RAI1: variants seen among roughly 807,000 people sequenced by gnomAD.
RAI1 encodes retinoic acid induced 1, also known as retinoic acid-induced protein 1.
In RAI1, 9 loss-of-function variants were observed where a neutral mutation model predicts 123.8. The ratio of observed to expected loss-of-function variants is 0.07; its 90% CI spans 0.04 to 0.13. The LOEUF (loss-of-function observed/expected upper bound fraction) is 0.13. RAI1 is among the 10% of genes least tolerant of loss of function. The pLI is 1.00. For missense variants in RAI1, 2,256 were observed against 2,545.8 expected, an observed-to-expected ratio of 0.89 and a Z score of 2.45; for synonymous variants, 1,231 against 1,127.3, an observed-to-expected ratio of 1.09 and a Z score of -1.84.
rs146345402 is a variant in RAI1, at chr17:17,707,397, G to T, written c.-148-16631G>T. The stretch of plus-strand genomic sequence containing the variant: ...GTTTTAAATTGGAGTGCCAGGAAAG[G>T]CCTCCCTGAGAAGGTGACAGGTGAG... On this transcript the variant is annotated intron_variant, in intron 1 of 5. Transcript: ENST00000353383. Among the ~76,000 whole-genome samples the T allele has an allele frequency of 1.3e-3, 205 of 152,284 alleles. 1 individual carries two copies. The highest frequency in any genetic ancestry group is 2.6e-3 in the Non-Finnish European group (175 of 68,010).
rs557218192 is a variant in RAI1 at position 17,749,284 on chromosome 17, G to A, written c.-17+25125G>A. ...AGACGACTCTTGATATTTAGCCTGCGTGGCAGGAGCCTTAATAGCAGCAAC... is the reference window on the plus strand; with the variant it reads ...AGACGACTCTTGATATTTAGCCTGCATGGCAGGAGCCTTAATAGCAGCAAC... On this transcript the variant is annotated intron_variant, in intron 2 of 5. Coordinates refer to ENST00000353383, the MANE Select transcript of RAI1 (RefSeq NM_030665.4). Among the ~76,000 whole-genome samples the A allele has an allele frequency of 1.1e-4, 16 of 152,270 alleles. No individual in the cohort carries two copies. The South Asian group carries it at 1.9e-3, about 18-fold the overall frequency.
chr17:17,686,616 C>CGCACGT (rs1914649102), intron 1 of RAI1, among the ~76,000 whole-genome samples: 1 of 124,126 alleles, frequency 8.1e-6, no homozygotes, highest in African/African-American at 2.7e-5. Context: ...TGTGCACGCG[C>CGCACGT]GCGCCGGGGA....
chr17:17,797,817 C>T lies in RAI1; in HGVS notation c.4869C>T (p.Pro1623=). Reference sequence around the variant, plus strand: ...ACTCCCCTGGAGATGCGCCCAAGCCCCACAGGAAGCCTTCCTCCTCTGCCT... The same window carrying T: ...ACTCCCCTGGAGATGCGCCCAAGCCTCACAGGAAGCCTTCCTCCTCTGCCT... ...VVNSPGDAPK[P]HRKPSSSASS... is the part of the protein sequence containing the mutation. The change falls in exon 3 of 6, where the codon CCC becomes CCT. Residue 1623 remains proline (P), a synonymous_variant. Coordinates refer to ENST00000353383, the MANE Select transcript of RAI1 (RefSeq NM_030665.4). The T allele has an allele frequency of 6.2e-7, 1 of 1,614,042 alleles. No homozygotes were observed. Among genetic ancestry groups the T allele is most frequent in the South Asian group, 1.1e-5 (1 of 91,084 alleles).
chr17:17,681,965 G>T (rs973311536), intron 1 of RAI1, among the ~76,000 whole-genome samples, 172 bp downstream of exon 1: 3 of 151,666 alleles, frequency 2.0e-5, no homozygotes, highest in South Asian at 2.1e-4. Context: ...TGTGTGGTGT[G>T]GGGGGTGCGC....
At chr17:17,775,868 T>C (rs2031327827) in intron 2 of RAI1, among the ~76,000 whole-genome samples, 1 of 152,236 alleles carries the variant, frequency 6.6e-6, no homozygotes, top group Non-Finnish European at 1.5e-5. Context: ...CTAATTTTCA[T>C]TGATTCTGAG....
intron 2 of RAI1, among the ~76,000 whole-genome samples, chr17:17,786,973 G>A (rs555313092): frequency 5.9e-5 from 9 of 152,318 alleles, no homozygotes; most frequent in African/African-American, 1.9e-4. Flanking sequence ...CCCGGGAGGC[G>A]GAGGTTGTGG....
rs911053001 is a variant in RAI1, at chr17:17,800,136, C to T, written c.5565+1623C>T. Among the ~76,000 whole-genome samples, 1 of 151,078 alleles carries T rather than the reference C, an allele frequency of 6.6e-6. No individual in the cohort carries two copies. The highest frequency in any genetic ancestry group is 1.5e-5 in the Non-Finnish European group (1 of 67,806). ...TTGGGCCTCTTCCCTCTCCCCTTCC[C>T]AGTTAGTGATTTTTTGCCTCTCTCC... On this transcript the variant is annotated intron_variant, in intron 3 of 5. Coordinates refer to ENST00000353383, the MANE Select transcript of RAI1 (RefSeq NM_030665.4). This position sits in a 1 kb window ranked among gnomAD's most constrained non-coding sequence, Gnocchi z 4.7.
intron 1 of RAI1, among the ~76,000 whole-genome samples, chr17:17,694,850 C>A (rs561301105): frequency 1.3e-5 from 2 of 151,802 alleles, no homozygotes; most frequent in African/African-American, 4.8e-5. Flanking sequence ...TGCTGAGGCC[C>A]CGCCCCCTGG....
intron 2 of RAI1, among the ~76,000 whole-genome samples, chr17:17,787,605 G>T (rs2143000353): frequency 6.6e-6 from 1 of 152,358 alleles, no homozygotes; most frequent in African/African-American, 2.4e-5. Flanking sequence ...CACAGTGGAG[G>T]TGGGACTGCT....
At chr17:17,790,846 G>A (rs1306110468) in intron 2 of RAI1, among the ~76,000 whole-genome samples, 2 of 152,180 alleles carry the variant, frequency 1.3e-5, no homozygotes, top group Non-Finnish European at 2.9e-5. Flanking sequence ...AGGCCCGCCT[G>A]GGCTGCCCTG....
At chr17:17,741,343 G>A (rs1257346966) in intron 2 of RAI1, among the ~76,000 whole-genome samples, 1 of 152,224 alleles carries the variant, frequency 6.6e-6, no homozygotes, top group African/African-American at 2.4e-5. Flanking sequence ...ATGACTCGCA[G>A]GGCGGGCTCG....
intron 1 of RAI1, among the ~76,000 whole-genome samples, chr17:17,689,882 G>T (rs951229394): frequency 6.6e-6 from 1 of 152,104 alleles, no homozygotes; most frequent in Non-Finnish European, 1.5e-5. Flanking sequence ...GCTGGAGGAG[G>T]TCACCCTGGC....
At chr17:17,791,140 G>A (rs1447854337) in intron 2 of RAI1, among the ~76,000 whole-genome samples, 2 of 152,210 alleles carry the variant, frequency 1.3e-5, no homozygotes, top group African/African-American at 4.8e-5. Context: ...AAAGTGGCCG[G>A]CCCCCACACT....
intron 2 of RAI1, chr17:17,779,228 G>A (rs1180157569): frequency 3.1e-6 from 1 of 322,746 alleles, no homozygotes; most frequent in African/African-American, 2.2e-5. Context: ...TGGCTGGCTG[G>A]TGGCTGGCTC....
At chr17:17,736,495 A>G (rs1457014841) in intron 2 of RAI1, among the ~76,000 whole-genome samples, 2 of 152,326 alleles carry the variant, frequency 1.3e-5, no homozygotes, top group African/African-American at 4.8e-5. Context: ...TCTCTGTAGG[A>G]GATGTAGAAG....
At chr17:17,750,689 CAAA>C (rs57637022) in intron 2 of RAI1, among the ~76,000 whole-genome samples, 25 of 79,746 alleles carry the variant, frequency 3.1e-4, no homozygotes, top group African/African-American at 9.0e-4. Flanking sequence ...TACTCCGTCT[CAAA>C]AAAAAAAAAA....
intron 2 of RAI1, among the ~76,000 whole-genome samples, chr17:17,782,701 C>T (rs990798007): frequency 2.3e-5 from 2 of 86,700 alleles, no homozygotes; most frequent in Non-Finnish European, 4.8e-5. Context: ...AGGGCGGGGG[C>T]GGGGCTGTGC....
At chr17:17,716,038 C>T (rs991373002) in intron 1 of RAI1, among the ~76,000 whole-genome samples, 4 of 152,174 alleles carry the variant, frequency 2.6e-5, no homozygotes, top group African/African-American at 9.7e-5. Context: ...ATGCCAAAGA[C>T]TTAAGGGCAT....
intron 1 of RAI1, among the ~76,000 whole-genome samples, chr17:17,721,823 T>G (rs1040452713): frequency 2.6e-5 from 4 of 151,988 alleles, no homozygotes; most frequent in African/African-American, 9.7e-5. Flanking sequence ...GAGCCCCGAG[T>G]GGGGCGGGGC....
Sources: allele counts gnomAD v4.1 joint callset (sites outside exome capture counted in the v4.1 genomes callset), GRCh38; gene constraint gnomAD v4.1.1; non-coding constraint Gnocchi (gnomAD v3.1); transcripts MANE v1.5; gene names NCBI Gene and HGNC (gene_info 2026-07-23, HGNC 2026-07-21).